CEP290: variants seen among roughly 807,000 people sequenced by gnomAD.
The protein encoded by CEP290 is centrosomal protein of 290 kDa.
A neutral mutation model predicts 344.9 loss-of-function variants in CEP290; 317 were observed. That is an observed-to-expected ratio of 0.92 (90% CI 0.84 to 1.01). CEP290 has a LOEUF of 1.01. CEP290 is among the 50% of genes least tolerant of loss of function. CEP290 has a pLI of 0.00. For synonymous variants in CEP290, 932 were observed against 895.8 expected (o/e 1.04, Z -0.72); for missense variants, 2,754 against 2,761.4 (o/e 1.00, Z 0.06).
chr12:88,132,486 A>G (rs924678393), intron 6 of CEP290, among the ~76,000 whole-genome samples: 14 of 152,200 alleles, frequency 9.2e-5, no homozygotes, highest in Non-Finnish European at 1.0e-4. Flanking sequence ...CATGACAATT[A>G]TATTGTGTTC....
intron 52 of CEP290, among the ~76,000 whole-genome samples, chr12:88,050,650 C>G (rs555489706): frequency 9.9e-5 from 15 of 152,230 alleles, no homozygotes; most frequent in African/African-American, 3.4e-4. Context: ...GAGGTATGTG[C>G]TAGGTATTAG....
Position 88,141,056 on chromosome 12 carries a change from G to A in CEP290, c.103-23C>T. The A allele has an allele frequency of 6.5e-7, 1 of 1,532,478 alleles. No homozygotes were observed. Among genetic ancestry groups the A allele is most frequent in the Admixed American group, 2.2e-5 (1 of 45,290 alleles). 94.9% of individuals were successfully genotyped at this position (1,532,478 alleles called of 1,614,324 possible). ...CACCTAAGTAAACAGAAAAGCAACT[G>A]TTTTATATTTTATAACCTTCAAGCA... On this transcript the variant is annotated intron_variant, in intron 2 of 53. Transcript: ENST00000552810.
intron 26 of CEP290, among the ~76,000 whole-genome samples, chr12:88,101,802 C>A (rs536620457): frequency 6.6e-6 from 1 of 152,066 alleles, no homozygotes; most frequent in East Asian, 1.9e-4. Flanking sequence ...GGACAGAGGA[C>A]ATGGAGAATG....
intron 29 of CEP290, among the ~76,000 whole-genome samples, chr12:88,091,690 T>G (rs1338170530): frequency 3.3e-5 from 5 of 152,120 alleles, no homozygotes. Context: ...AAAAAGGGTC[T>G]TTCATAGTGA....
Position 88,086,171 on chromosome 12 carries a change from A to G in CEP290, c.4305T>C (p.Phe1435=), listed in dbSNP as rs138095601. The G allele has an allele frequency of 6.2e-7, 1 of 1,608,788 alleles. No individual in the cohort carries two copies. Among genetic ancestry groups the G allele is most frequent in the Non-Finnish European group, 8.5e-7 (1 of 1,178,938 alleles). ...CAGGGATTGATCCTGTAGCTTCTTC[A>G]AACTATTAAGAAATAGTATGTTTTT... ...QNEILNAAQK[F]EEATGSIPDP... The change falls in exon 34 of 54, where the codon TTT becomes TTC. Residue 1435 remains phenylalanine (F), a splice_region_variant and synonymous_variant. Coordinates refer to ENST00000552810, the MANE Select transcript of CEP290 (RefSeq NM_025114.4).
At chr12:88,124,611 AAT>A in intron 13 of CEP290, among the ~76,000 whole-genome samples, 1 of 152,174 alleles carries the variant, frequency 6.6e-6, no homozygotes, top group East Asian at 1.9e-4. Flanking sequence ...ATGAAGAAGA[AAT>A]AGTGATTCCA....
rs863225182 is a variant in CEP290 at position 88,086,091 on chromosome 12, TC to T, written c.4384del (p.Glu1462ArgfsTer5). 1.9e-6 allele frequency: 3 copies of T among 1,613,158 alleles called. No individual in the cohort carries two copies. Among genetic ancestry groups the T allele is most frequent in the Non-Finnish European group, 1.7e-6 (2 of 1,179,550 alleles). On this transcript the variant is annotated frameshift_variant, in exon 34 of 54. Transcript: ENST00000552810. LOFTEE classifies it high-confidence loss of function. ...TGTTTCTAGAATTATTCGAATGTTC[TC>T]CTTAATTTTCCTTAGAGCGATCTCA... is the stretch of plus-strand genomic sequence containing the variant. ...QLEIALRKIK[E>X]NIRIILETRA...
Position 88,102,829 on chromosome 12 carries a change from C to A in CEP290, c.2991+9G>T. On this transcript the variant is annotated intron_variant, in intron 26 of 53. Coordinates refer to ENST00000552810, the MANE Select transcript of CEP290 (RefSeq NM_025114.4). The stretch of plus-strand genomic sequence containing the variant: ...AATTTCACAAGGTTCAAGAATCACA[C>A]AAACTTACCTCCAGGTGTTCCAAGT... 1 of 1,607,002 alleles carries A rather than the reference C, an allele frequency of 6.2e-7. No individual in the cohort carries two copies. Among genetic ancestry groups the A allele is most frequent in the Non-Finnish European group, 8.5e-7 (1 of 1,177,196 alleles).
chr12:88,139,194 AT>A lies in CEP290; in HGVS notation c.251-4del, dbSNP rs759170743. 69 of 1,114,384 alleles carry A rather than the reference AT, an allele frequency of 6.2e-5. No homozygotes were observed. Among genetic ancestry groups the A allele is most frequent in the Middle Eastern group, 2.1e-4 (1 of 4,814 alleles). The allele number at this position is 1,114,384 out of a possible 1,614,324, so 69.0% of individuals were successfully genotyped here. A position where few individuals can be genotyped will look rare whatever the true frequency, so the allele number is the denominator to read the frequency against. On this transcript the variant is annotated splice_polypyrimidine_tract_variant and splice_region_variant and intron_variant, in intron 4 of 53. Coordinates refer to ENST00000552810, the MANE Select transcript of CEP290 (RefSeq NM_025114.4). Reference sequence around the variant, plus strand: ...TACTTTAGTTTTTAATTGATTTTCTATTTTTTTAAAAAAAAAGAAAAACGTT... The same window carrying A: ...TACTTTAGTTTTTAATTGATTTTCTATTTTTTAAAAAAAAAGAAAAACGTT...
intron 26 of CEP290, 28 bp downstream of exon 26, chr12:88,102,810 A>T: frequency 6.3e-7 from 1 of 1,578,418 alleles, no homozygotes; most frequent in Non-Finnish European, 8.6e-7. Flanking sequence ...GGCTAATTTC[A>T]CAAGGTTCAA....
intron 48 of CEP290, 107 bp from the exon 49 acceptor site, chr12:88,059,127 G>T: frequency 2.3e-6 from 2 of 883,108 alleles, no homozygotes; most frequent in Non-Finnish European, 3.3e-6. Flanking sequence ...AAATAACCTG[G>T]GGCTCTAAAT....
At chr12:88,139,674 C>A in intron 3 of CEP290, 110 bp from the exon 4 acceptor site, 4 of 745,196 alleles carry the variant, frequency 5.4e-6, no homozygotes, top group Non-Finnish European at 7.7e-6. Flanking sequence ...CAATGGCTGG[C>A]ACATGGAGAC....
chr12:88,116,742 A>G (rs2039060549), intron 18 of CEP290, among the ~76,000 whole-genome samples: 2 of 152,144 alleles, frequency 1.3e-5, no homozygotes, highest in Admixed American at 1.3e-4. Context: ...TGGGAGGCCG[A>G]GGCGGGCGGA....
At chr12:88,085,300 G>A (rs144597503) in intron 34 of CEP290, among the ~76,000 whole-genome samples, 5 of 151,960 alleles carry the variant, frequency 3.3e-5, no homozygotes, top group South Asian at 2.1e-4. Flanking sequence ...TATAAAATCC[G>A]CAGCTTATTA....
rs1233215007 is a variant in CEP290, at chr12:88,109,162, TTTTC to T, written c.2383_2386del (p.Glu795LysfsTer3). ...AGAATCTTCTAAATTCTTTAACTTT[TTTTC>T]TTTATTTTCTAGTTCCTGAAAAGTG... is the stretch of plus-strand genomic sequence containing the variant. On this transcript the variant is annotated frameshift_variant, in exon 23 of 54. Coordinates refer to ENST00000552810, the MANE Select transcript of CEP290 (RefSeq NM_025114.4). LOFTEE classifies it high-confidence loss of function. 1.6e-6 allele frequency: 2 copies of T among 1,252,786 alleles called. No homozygotes were observed. The highest frequency in any genetic ancestry group is 2.2e-6 in the Non-Finnish European group (2 of 912,002). The allele number at this position is 1,252,786 out of a possible 1,614,324, so 77.6% of individuals were successfully genotyped here.
At chr12:88,050,215 ATAAT>A in intron 53 of CEP290, 135 bp downstream of exon 53, 1 of 571,966 alleles carries the variant, frequency 1.7e-6, no homozygotes, top group Non-Finnish European at 3.0e-6. Flanking sequence ...TCAGATGAAC[ATAAT>A]TAACTTTGCA....
intron 37 of CEP290, among the ~76,000 whole-genome samples, chr12:88,082,783 C>A (rs527410821): frequency 2.0e-4 from 31 of 152,246 alleles, no homozygotes; most frequent in African/African-American, 7.5e-4. Flanking sequence ...GCTTTTGAGT[C>A]AGACTGACTA....
chr12:88,091,914 C>G (rs1311206648), intron 29 of CEP290, among the ~76,000 whole-genome samples: 2 of 151,788 alleles, frequency 1.3e-5, no homozygotes, highest in Non-Finnish European at 2.9e-5. Flanking sequence ...TTTTGTTTTT[C>G]TTTGTTTGTT....
intron 43 of CEP290, among the ~76,000 whole-genome samples, 172 bp from the exon 44 acceptor site, chr12:88,068,817 G>A (rs933552743): frequency 1.3e-5 from 2 of 151,964 alleles, no homozygotes; most frequent in African/African-American, 4.8e-5. Context: ...ATCAAAATTA[G>A]TATTATAAAA....
Sources: gnomAD v4.1 joint callset for allele counts (sites outside exome capture counted in the v4.1 genomes callset) on GRCh38, gnomAD v4.1.1 for gene constraint, MANE v1.5 for transcripts, NCBI Gene and HGNC (gene_info 2026-07-23, HGNC 2026-07-21) for gene names.